UST: variants seen among roughly 807,000 people sequenced by gnomAD.
The protein encoded by UST is uronyl 2-sulfotransferase, also known as chondroitin sulfate 2-O-sulfotransferase.
Under a neutral mutation model 45.6 loss-of-function variants are expected in UST, and 21 were observed. That is an observed-to-expected ratio of 0.46 (90% CI 0.33 to 0.66). The LOEUF (loss-of-function observed/expected upper bound fraction) is 0.66, where lower values mean the gene tolerates loss of function less well. Among genes scored for constraint, UST ranks in the 30% least tolerant of loss-of-function variants. The pLI is 0.02. For missense variants in UST, 463 were observed against 512.4 expected (o/e 0.90, Z 0.93); for synonymous variants, 215 against 200.6 (o/e 1.07, Z -0.61).
rs1312914549 is a variant in UST, at chr6:149,074,770, A to G, written c.*654A>G. ...TTTTTTTTAAAGGAGGAGGATCTCC[A>G]TGGGTAAGTGGTTTCTACCCGCATG... is the stretch of plus-strand genomic sequence containing the variant. On this transcript the variant is annotated 3_prime_UTR_variant, in exon 8 of 8. Transcript: ENST00000367463. 6.6e-6 allele frequency: 1 copy of G among 152,000 alleles called. No individual in the cohort carries two copies. Among genetic ancestry groups the G allele is most frequent in the Non-Finnish European group, 1.5e-5 (1 of 68,208 alleles). 9.4% of individuals were successfully genotyped at this position (152,000 alleles called of 1,614,324 possible).
chr6:148,877,668 C>CGTGT, intron 1 of UST, among the ~76,000 whole-genome samples: 1 of 60,664 alleles, frequency 1.6e-5, no homozygotes, highest in Non-Finnish European at 3.0e-5. Context: ...TGCGAGGGGT[C>CGTGT]ATGTATGAGT....
At chr6:148,998,326 G>C (rs1781488127) in intron 5 of UST, among the ~76,000 whole-genome samples, 1 of 152,208 alleles carries the variant, frequency 6.6e-6, no homozygotes, top group African/African-American at 2.4e-5. Context: ...TGGAGACGTG[G>C]ACTATGCTGT....
chr6:148,890,118 G>C lies in UST; in HGVS notation c.291+3089G>C, dbSNP rs189418838. ...TGTATTTTCATTATCTGGGATTGGAGCAGCAAAATACTCTTGATTTTCTAA... is the reference window on the plus strand; with the variant it reads ...TGTATTTTCATTATCTGGGATTGGACCAGCAAAATACTCTTGATTTTCTAA... On this transcript the variant is annotated intron_variant, in intron 2 of 7. Coordinates refer to ENST00000367463, the MANE Select transcript of UST (RefSeq NM_005715.3). Among the ~76,000 whole-genome samples, 21 of 152,280 alleles carry C rather than the reference G, an allele frequency of 1.4e-4. No individual in the cohort carries two copies. The East Asian group carries it at 1.7e-3, about 13-fold the overall frequency.
chr6:148,761,305 C>T (rs1436308016), intron 1 of UST, among the ~76,000 whole-genome samples: 8 of 152,156 alleles, frequency 5.3e-5, no homozygotes, highest in Non-Finnish European at 1.2e-4. Flanking sequence ...CCTTCTGCTC[C>T]GCCTCCCTCC....
At chr6:149,022,207 A>C (rs1448150283) in intron 7 of UST, among the ~76,000 whole-genome samples, 2 of 152,130 alleles carry the variant, frequency 1.3e-5, no homozygotes, top group Non-Finnish European at 2.9e-5. Flanking sequence ...TCCTTAATCT[A>C]CTGCTGTGAC....
intron 1 of UST, among the ~76,000 whole-genome samples, chr6:148,852,099 T>G (rs1778118977): frequency 6.6e-6 from 1 of 152,192 alleles, no homozygotes; most frequent in Non-Finnish European, 1.5e-5. Flanking sequence ...TTCATCTCTG[T>G]CCAGAAAAGG....
chr6:149,005,671 A>G, intron 5 of UST: 1 of 936,728 alleles, frequency 1.1e-6, no homozygotes, highest in Admixed American at 6.2e-5. Flanking sequence ...TTCCACTAAA[A>G]TGCAAGTATT....
chr6:149,074,639 G>C lies in UST; in HGVS notation c.*523G>C. Reference sequence around the variant, plus strand: ...CTTGAGCCTATAATCCGAGGCTGAGGTGGGAGGATCACTTGAGCCCAGGAG... The same window carrying C: ...CTTGAGCCTATAATCCGAGGCTGAGCTGGGAGGATCACTTGAGCCCAGGAG... On this transcript the variant is annotated 3_prime_UTR_variant, in exon 8 of 8. Coordinates refer to ENST00000367463, the MANE Select transcript of UST (RefSeq NM_005715.3). The C allele has an allele frequency of 6.3e-6, 1 of 158,638 alleles. No homozygotes were observed. Among genetic ancestry groups the C allele is most frequent in the Non-Finnish European group, 1.4e-5 (1 of 72,248 alleles). 9.8% of individuals were successfully genotyped at this position (158,638 alleles called of 1,614,324 possible).
intron 3 of UST, among the ~76,000 whole-genome samples, chr6:148,950,797 G>A (rs1348026389): frequency 1.3e-5 from 2 of 152,152 alleles, no homozygotes; most frequent in African/African-American, 2.4e-5. Flanking sequence ...CCTCATGGTG[G>A]TTATCACATG....
chr6:148,929,321 T>C (rs141825937), intron 2 of UST, among the ~76,000 whole-genome samples: 11 of 152,338 alleles, frequency 7.2e-5, no homozygotes, highest in African/African-American at 2.4e-4. Flanking sequence ...TTTCCTTTGC[T>C]CATGGCTAGT....
intron 7 of UST, among the ~76,000 whole-genome samples, chr6:149,067,975 G>A (rs1776766102): frequency 6.6e-6 from 1 of 152,204 alleles, no homozygotes; most frequent in East Asian, 1.9e-4. Context: ...AATAGTGGTT[G>A]TTGGGGTGGT....
chr6:148,799,471 C>T (rs1437125943), intron 1 of UST, among the ~76,000 whole-genome samples: 3 of 152,058 alleles, frequency 2.0e-5, no homozygotes, highest in African/African-American at 4.8e-5. Flanking sequence ...ATAAGGTGGG[C>T]GAAGTTGGTG....
In UST at chr6:148,966,250, T is replaced by A. The variant is rs906244560; in HGVS notation, c.681+1687T>A. 8.0e-4 allele frequency among the ~76,000 whole-genome samples: 89 copies of A among 111,144 alleles called. 2 individuals are homozygous for A. Among genetic ancestry groups the A allele is most frequent in the African/African-American group, 3.5e-3 (85 of 24,430 alleles). 72.9% of individuals were successfully genotyped at this position (111,144 alleles called of 152,430 possible). A position where few individuals can be genotyped will look rare whatever the true frequency, so the allele number is the denominator to read the frequency against. ...AAAAATAATAATAATAATAATTAAA[T>A]AAAATAAAAAACTATAGGTTATGAA... On this transcript the variant is annotated intron_variant, in intron 5 of 7. Transcript: ENST00000367463.
intron 1 of UST, among the ~76,000 whole-genome samples, chr6:148,827,128 GT>G (rs1777584081): frequency 1.3e-5 from 2 of 152,214 alleles, no homozygotes; most frequent in South Asian, 4.1e-4. Flanking sequence ...TTGTTCTATA[GT>G]GCATGTGGTT....
chr6:148,847,653 T>G (rs1004102841), intron 1 of UST, among the ~76,000 whole-genome samples: 3 of 152,190 alleles, frequency 2.0e-5, no homozygotes, highest in Non-Finnish European at 4.4e-5. Flanking sequence ...AGATGGTCCA[T>G]TAGAATTCTT....
chr6:148,891,478 C>T (rs1477274880), intron 2 of UST, among the ~76,000 whole-genome samples: 1 of 152,190 alleles, frequency 6.6e-6, no homozygotes, highest in Non-Finnish European at 1.5e-5. Context: ...AATTTAATCT[C>T]TATAAATGAT....
intron 1 of UST, among the ~76,000 whole-genome samples, chr6:148,773,165 A>G (rs1776464949): frequency 6.6e-6 from 1 of 152,206 alleles, no homozygotes; most frequent in East Asian, 1.9e-4. Context: ...TGAATTTTAA[A>G]ATGGTGATTG....
chr6:149,026,407 A>G (rs1310759710), intron 7 of UST, among the ~76,000 whole-genome samples: 1 of 152,200 alleles, frequency 6.6e-6, no homozygotes, highest in Non-Finnish European at 1.5e-5. Context: ...ATGTGTAAGT[A>G]AGGGGCAAGA....
chr6:149,021,499 C>G lies in UST; in HGVS notation c.937+18C>G. 2 of 1,613,484 alleles carry G rather than the reference C, an allele frequency of 1.2e-6. No individual in the cohort carries two copies. Among genetic ancestry groups the G allele is most frequent in the South Asian group, 1.1e-5 (1 of 90,990 alleles). On this transcript the variant is annotated intron_variant, in intron 7 of 7. Coordinates refer to ENST00000367463, the MANE Select transcript of UST (RefSeq NM_005715.3). ...AGACCCAGGTAACTTCATTTGTAAG[C>G]AAGCTCTTCTCCATGAGAGGTCTGT...
Sources: gnomAD v4.1 joint callset for allele counts (sites outside exome capture counted in the v4.1 genomes callset) on GRCh38, gnomAD v4.1.1 for gene constraint, MANE v1.5 for transcripts, NCBI Gene and HGNC (gene_info 2026-07-23, HGNC 2026-07-21) for gene names.